The following ERCC2 variants were observed in gnomAD, a reference collection of about 807,000 sequenced individuals.
ERCC2 encodes ERCC excision repair 2, TFIIH core complex helicase subunit.
ERCC2 carries 90 observed loss-of-function variants against 99.4 expected under a neutral mutation model. The observed-to-expected ratio is 0.91, with a 90% confidence interval of 0.76 to 1.08. The LOEUF is 1.08. ERCC2 is among the 50% of genes least tolerant of loss of function. The pLI is 0.00. For synonymous variants in ERCC2, 497 were observed against 432.4 expected (o/e 1.15, Z -1.85); for missense variants, 993 against 1,038.1 (o/e 0.96, Z 0.60).
rs1202714195 is a variant in ERCC2, at chr19:45,364,536, G to C, written c.606C>G (p.Ala202=). The C allele has an allele frequency of 6.2e-7, 1 of 1,613,344 alleles. No individual in the cohort carries two copies. Among genetic ancestry groups the C allele is most frequent in the East Asian group, 2.2e-5 (1 of 44,866 alleles). ...YFLARYSILH[A]NVVVYSYHYL... ...AGTGGTAGCTATAAACCACCACATTGGCATGCAGGATCTGGGGGGCCGGGG... is the reference window on the plus strand; with the variant it reads ...AGTGGTAGCTATAAACCACCACATTCGCATGCAGGATCTGGGGGGCCGGGG... The change falls in exon 8 of 23, where the codon GCC becomes GCG. Residue 202 remains alanine, a synonymous_variant. Transcript: ENST00000391945.
At position 45,349,981 on chromosome 19, in the gene ERCC2, GCCACCAGC is replaced by G. The variant is rs1248666599; in HGVS notation, c.*1640_*1647del. The G allele has an allele frequency of 2.4e-6, 1 of 420,326 alleles. No homozygotes were observed. Among genetic ancestry groups the G allele is most frequent in the Non-Finnish European group, 4.3e-6 (1 of 233,158 alleles). 26.0% of individuals were successfully genotyped at this position (420,326 alleles called of 1,614,324 possible). A position where few individuals can be genotyped will look rare whatever the true frequency, so the allele number is the denominator to read the frequency against. On this transcript the variant is annotated 3_prime_UTR_variant, in exon 23 of 23. Coordinates refer to ENST00000391945, the MANE Select transcript of ERCC2 (RefSeq NM_000400.4). Reference sequence around the variant, plus strand: ...GGGAAGACTGAGGCACCGAGGCCATGCCACCAGCCCAAAGTACAGCAGACAGGCTCAGA... The same window carrying G: ...GGGAAGACTGAGGCACCGAGGCCATGCCAAAGTACAGCAGACAGGCTCAGA...
In ERCC2 at chr19:45,367,368, TACACAC is replaced by T. The variant is rs35938083; in HGVS notation, c.360+1256_360+1261del. On this transcript the variant is annotated intron_variant, in intron 5 of 22. Transcript: ENST00000391945. ...AACAAAACAAAAATATATATATATATACACACACACACACACACACACACACACACA... is the reference window on the plus strand; with the variant it reads ...AACAAAACAAAAATATATATATATATACACACACACACACACACACACACA... 0.011 allele frequency among the ~76,000 whole-genome samples: 883 copies of T among 83,306 alleles called. 20 individuals carry two copies. The East Asian group carries it at 0.12, about 12-fold the overall frequency. The allele number at this position is 83,306 out of a possible 152,430, so 54.7% of individuals were successfully genotyped here. A position where few individuals can be genotyped will look rare whatever the true frequency, so the allele number is the denominator to read the frequency against.
chr19:45,364,941 T>C lies in ERCC2; in HGVS notation c.491A>G (p.His164Arg), dbSNP rs769656890. 3.5e-5 allele frequency: 57 copies of C among 1,613,920 alleles called. No homozygotes were observed. Among genetic ancestry groups the C allele is most frequent in the Admixed American group, 6.7e-5 (4 of 60,006 alleles). ...HCRFYEEFDA[H>R]GREVPLPAGI... ...AGCGGGGAGGGGCACCTCACGCCCA[T>C]GGGCATCAAATTCCTGGGACAAGAG... The change falls in exon 7 of 23, where the codon CAT becomes CGT. Residue 164 changes from histidine (H) to arginine (R), a missense_variant. This residue lies in a region of ERCC2 where 909 missense variants were observed against 930.8 expected (regional missense o/e 0.98). Coordinates refer to ENST00000391945, the MANE Select transcript of ERCC2 (RefSeq NM_000400.4).
At chr19:45,352,920 G>A (rs1971866952) in intron 19 of ERCC2, 104 bp from the exon 20 acceptor site, 5 of 1,266,040 alleles carry the variant, frequency 3.9e-6, no homozygotes, top group Admixed American at 1.8e-5. Flanking sequence ...GGGGGGAGAG[G>A]GTGTGTTCCC....
At position 45,350,397 on chromosome 19, in the gene ERCC2, A is replaced by C. The variant is rs186055996; in HGVS notation, c.*1232T>G. ...AACAAGCGGAAGAGCTGTACAAAGA[A>C]ATCCTCCACAAGGAGGACCTACCCG... On this transcript the variant is annotated 3_prime_UTR_variant, in exon 23 of 23. Transcript: ENST00000391945. 51 of 1,613,586 alleles carry C rather than the reference A, an allele frequency of 3.2e-5. No individual in the cohort carries two copies. In the East Asian group the frequency reaches 1.1e-3, roughly 35 times the overall value.
rs748375308 is a variant in ERCC2 at position 45,354,762 on chromosome 19, T to G, written c.1633A>C (p.Met545Leu). Residue 545 changes from methionine to leucine, a missense_variant, in exon 17 of 23, where the codon ATG becomes CTG. Around this residue, in one of 3 missense-constraint regions of ERCC2, gnomAD observed 909 missense variants for 930.8 expected, o/e 0.98. Transcript: ENST00000391945. ...IVAFFTSYQY[M>L]ESTVASWYEQ... ...TACCAGGAGGCCACGGTGCTCTCCA[T>G]GTACTGGTAGCTGGTGAAGAAGGCC... 1.9e-6 allele frequency: 3 copies of G among 1,613,964 alleles called. No homozygotes were observed. Among genetic ancestry groups the G allele is most frequent in the Non-Finnish European group, 2.5e-6 (3 of 1,179,944 alleles).
At position 45,350,274 on chromosome 19, in the gene ERCC2, A is replaced by T. The variant is rs1048663909; in HGVS notation, c.*1355T>A. On this transcript the variant is annotated 3_prime_UTR_variant, in exon 23 of 23. Coordinates refer to ENST00000391945, the MANE Select transcript of ERCC2 (RefSeq NM_000400.4). ...CCTGTCTCTACAAAAAAAAAAAAAA[A>T]GGCGGGACTGGATGCAGTGTTGGGA... The T allele has an allele frequency of 8.7e-6, 10 of 1,145,722 alleles. No individual in the cohort carries two copies. Among genetic ancestry groups the T allele is most frequent in the African/African-American group, 6.6e-5 (4 of 60,358 alleles). 71.0% of individuals were successfully genotyped at this position (1,145,722 alleles called of 1,614,324 possible).
intron 12 of ERCC2, chr19:45,358,930 AAATG>A (rs771125005): frequency 1.8e-5 from 14 of 771,286 alleles, no homozygotes; most frequent in Non-Finnish European, 3.1e-5. Flanking sequence ...TTGAAGAAAT[AAATG>A]AATGAATGAA....
Position 45,350,672 on chromosome 19 carries a change from T to G in ERCC2, c.*957A>C, listed in dbSNP as rs767434756. On this transcript the variant is annotated 3_prime_UTR_variant, in exon 23 of 23. Coordinates refer to ENST00000391945, the MANE Select transcript of ERCC2 (RefSeq NM_000400.4). ...CGCCGCAGCAGCTCACTCTCCAAGA[T>G]CCGTGAGTCTATCAGGCGAGGAAGT... 2 of 1,613,320 alleles carry G rather than the reference T, an allele frequency of 1.2e-6. No individual in the cohort carries two copies. Among genetic ancestry groups the G allele is most frequent in the South Asian group, 2.2e-5 (2 of 91,018 alleles).
At chr19:45,353,018 G>T in intron 19 of ERCC2, 65 bp downstream of exon 19, 3 of 1,528,888 alleles carry the variant, frequency 2.0e-6, no homozygotes, top group South Asian at 2.2e-5. Context: ...GCAGACAGCA[G>T]AGCGGGCAGG....
At position 45,350,707 on chromosome 19, in the gene ERCC2, G is replaced by A; in HGVS notation, c.*922C>T. 1 of 1,613,688 alleles carries A rather than the reference G, an allele frequency of 6.2e-7. No homozygotes were observed. The highest frequency in any genetic ancestry group is 8.5e-7 in the Non-Finnish European group (1 of 1,179,900). On this transcript the variant is annotated 3_prime_UTR_variant, in exon 23 of 23. Coordinates refer to ENST00000391945, the MANE Select transcript of ERCC2 (RefSeq NM_000400.4). Reference sequence around the variant, plus strand: ...TATCAGGCGAGGAAGTGAGAAGCTGGTCTCCCGGCTCCGAGGCGAGGCGGC... The same window carrying A: ...TATCAGGCGAGGAAGTGAGAAGCTGATCTCCCGGCTCCGAGGCGAGGCGGC...
chr19:45,359,780 C>T (rs371163422), intron 12 of ERCC2, among the ~76,000 whole-genome samples: 1 of 142,310 alleles, frequency 7.0e-6, no homozygotes, highest in Admixed American at 7.2e-5. Flanking sequence ...CAGAAGAACT[C>T]TTTTTTTTTT....
Position 45,351,216 on chromosome 19 carries a change from T to G in ERCC2, c.*413A>C. 6.3e-7 allele frequency: 1 copy of G among 1,589,858 alleles called. No homozygotes were observed. The highest frequency in any genetic ancestry group is 8.6e-7 in the Non-Finnish European group (1 of 1,167,560). On this transcript the variant is annotated 3_prime_UTR_variant, in exon 23 of 23. Coordinates refer to ENST00000391945, the MANE Select transcript of ERCC2 (RefSeq NM_000400.4). Reference sequence around the variant, plus strand: ...GGATAGTTGGCTGCCAGGCTGGACCTGGAGCTGGAGGGTGGATGTAACACT... The same window carrying G: ...GGATAGTTGGCTGCCAGGCTGGACCGGGAGCTGGAGGGTGGATGTAACACT...
At position 45,353,233 on chromosome 19, in the gene ERCC2, C is replaced by G; in HGVS notation, c.1758+9G>C. 1 of 1,613,610 alleles carries G rather than the reference C, an allele frequency of 6.2e-7. No individual in the cohort carries two copies. Among genetic ancestry groups the G allele is most frequent in the Non-Finnish European group, 8.5e-7 (1 of 1,179,630 alleles). On this transcript the variant is annotated intron_variant, in intron 18 of 22. Coordinates refer to ENST00000391945, the MANE Select transcript of ERCC2 (RefSeq NM_000400.4). ...CCGACCCCTCTCCACGCTGGCCTCG[C>G]ACACCCACCTCCTGGTACTTCTCCA...
In ERCC2 at chr19:45,364,094, G is replaced by GAGCA; in HGVS notation, c.840_841insTGCT (p.Leu281CysfsTer98). On this transcript the variant is annotated frameshift_variant, in exon 10 of 23. Coordinates refer to ENST00000391945, the MANE Select transcript of ERCC2 (RefSeq NM_000400.4). LOFTEE classifies it high-confidence loss of function. Reference sequence around the variant, plus strand: ...ACCAGACGCCGGTACTCGTCCCGCAGGCGCTGCTCGTCTGTCTCTTTGATC... The same window carrying GAGCA: ...ACCAGACGCCGGTACTCGTCCCGCAGAGCAGCGCTGCTCGTCTGTCTCTTTGATC... 1 of 1,606,418 alleles carries GAGCA rather than the reference G, an allele frequency of 6.2e-7. No homozygotes were observed. The highest frequency in any genetic ancestry group is 8.5e-7 in the Non-Finnish European group (1 of 1,177,104).
intron 15 of ERCC2, 128 bp from the exon 16 acceptor site, chr19:45,355,856 T>C (rs1026832309): frequency 2.1e-5 from 16 of 768,100 alleles, no homozygotes; most frequent in Non-Finnish European, 2.9e-5. Context: ...GGTGTCACCA[T>C]GTTGCCCAGG....
chr19:45,365,128 C>T lies in ERCC2; in HGVS notation c.391G>A (p.Asp131Asn), dbSNP rs752794877. The change falls in exon 6 of 23, where the codon GAT (aspartate) becomes AAT (asparagine). Residue 131 changes from aspartate to asparagine, a missense_variant. Asp to Asn is a conservative substitution (Grantham distance 23). This residue lies in a region of ERCC2 where 909 missense variants were observed against 930.8 expected (regional missense o/e 0.98). Transcript: ENST00000391945. ...VTPLRFGKDV[D>N]GKCHSLTASY... ...GCTGTGAGGCTGTGGCATTTCCCAT[C>T]GACGTCCTTCCCAAAGCGCAGGGGT... 45 of 1,614,058 alleles carry T rather than the reference C, an allele frequency of 2.8e-5. No homozygotes were observed. Among genetic ancestry groups the T allele is most frequent in the East Asian group, 2.2e-5 (1 of 44,892 alleles).
chr19:45,363,135 GA>G (rs1486213672), intron 11 of ERCC2, among the ~76,000 whole-genome samples: 7 of 152,272 alleles, frequency 4.6e-5, no homozygotes, highest in African/African-American at 1.7e-4. Context: ...TTACCCAAAG[GA>G]AAAGCCCCCT....
At chr19:45,357,584 C>A (rs772632634) in intron 13 of ERCC2, 41 bp from the exon 14 acceptor site, 7 of 1,613,318 alleles carry the variant, frequency 4.3e-6, no homozygotes, top group Non-Finnish European at 8.5e-7. Flanking sequence ...GGGGGCTGGG[C>A]CCCCGACCCA....
Sources: allele counts gnomAD v4.1 joint callset (sites outside exome capture counted in the v4.1 genomes callset), GRCh38; gene constraint gnomAD v4.1.1; regional missense constraint gnomAD v4.1.1; transcripts MANE v1.5; gene names NCBI Gene and HGNC (gene_info 2026-07-23, HGNC 2026-07-21).